Variants in IL31RA observed in about 807,000 individuals in gnomAD.
IL31RA encodes interleukin-31 receptor subunit alpha.
IL31RA carries 66 observed loss-of-function variants against 83.7 expected under a neutral mutation model. That is an observed-to-expected ratio of 0.79 (90% confidence interval 0.65 to 0.97). The LOEUF is 0.97. IL31RA is among the 50% of genes least tolerant of loss of function. IL31RA has a pLI of 0.00. For missense variants in IL31RA, 798 were observed against 919.4 expected (o/e 0.87, Z 1.71); for synonymous variants, 325 against 329.0 (o/e 0.99, Z 0.13).
At position 55,903,865 on chromosome 5, in the gene IL31RA, T is replaced by C. The variant is rs1748971874; in HGVS notation, c.1070-2241T>C. Among the ~76,000 whole-genome samples the C allele has an allele frequency of 6.6e-6, 1 of 152,202 alleles. No homozygotes were observed. The highest frequency in any genetic ancestry group is 6.5e-5 in the Admixed American group (1 of 15,288). On this transcript the variant is annotated intron_variant, in intron 8 of 14. Transcript: ENST00000652347. This position sits in a 1 kb window ranked among gnomAD's most constrained non-coding sequence, Gnocchi z 4.7. ...GGGGCTTCAAACAACAGAACTTTATTGTCTCATGGTCCTGGAGGCCAGAAG... is the reference window on the plus strand; with the variant it reads ...GGGGCTTCAAACAACAGAACTTTATCGTCTCATGGTCCTGGAGGCCAGAAG...
At chr5:55,840,072 C>T in the IL31RA span, 2 of 357,806 alleles carry the variant, frequency 5.6e-6, no homozygotes, top group East Asian at 5.7e-5. Flanking sequence ...CACCTGACTT[C>T]GGCAGGGCTA....
In IL31RA at chr5:55,867,157, T is replaced by TTGTGTGTGCATG. The variant is rs1746142833; in HGVS notation, c.155-1626_155-1625insCATGTGTGTGTG. ...TGTGCATGTGTGTGTGCATGTGTGT[T>TTGTGTGTGCATG]TGTGTGTGTGCATGTGTGTGTGCAT... On this transcript the variant is annotated intron_variant, in intron 2 of 14. Coordinates refer to ENST00000652347, the MANE Select transcript of IL31RA (RefSeq NM_139017.7). Among the ~76,000 whole-genome samples the TTGTGTGTGCATG allele has an allele frequency of 1.1e-4, 6 of 55,064 alleles. 1 individual carries two copies. Among genetic ancestry groups the TTGTGTGTGCATG allele is most frequent in the African/African-American group, 3.6e-4 (6 of 16,596 alleles). 36.1% of individuals were successfully genotyped at this position (55,064 alleles called of 152,430 possible).
intron 2 of IL31RA, among the ~76,000 whole-genome samples, chr5:55,861,935 T>C (rs1028974122): frequency 6.6e-6 from 1 of 152,192 alleles, no homozygotes; most frequent in Non-Finnish European, 1.5e-5. Flanking sequence ...CAAAGTGATA[T>C]GAGTATAGAG....
chr5:55,887,276 T>C (rs1747674172), intron 5 of IL31RA, among the ~76,000 whole-genome samples: 1 of 152,224 alleles, frequency 6.6e-6, no homozygotes, highest in Non-Finnish European at 1.5e-5. Context: ...TCACAGGGCT[T>C]GTCAGTTGCA....
intron 5 of IL31RA, among the ~76,000 whole-genome samples, chr5:55,885,313 C>T (rs959713862): frequency 7.9e-5 from 12 of 152,074 alleles, no homozygotes; most frequent in African/African-American, 2.4e-4. Context: ...CAGCTAAATC[C>T]GGGTTCTTGT....
At chr5:55,914,301 A>G (rs563087241) in intron 13 of IL31RA, among the ~76,000 whole-genome samples, 21 of 152,308 alleles carry the variant, frequency 1.4e-4, no homozygotes, top group Non-Finnish European at 4.4e-5. Context: ...ATTCTTGTAC[A>G]TTATGCACTT....
At chr5:55,896,764 C>T (rs1748396587) in intron 7 of IL31RA, among the ~76,000 whole-genome samples, 1 of 57,284 alleles carries the variant, frequency 1.7e-5, no homozygotes, top group African/African-American at 7.4e-5. Context: ...CCTTGCCTTC[C>T]CTTCCCTTCC....
intron 11 of IL31RA, among the ~76,000 whole-genome samples, chr5:55,909,622 G>T (rs1024142141): frequency 6.6e-6 from 1 of 151,788 alleles, no homozygotes; most frequent in Non-Finnish European, 1.5e-5. Context: ...TGGTAGGTAT[G>T]TAGTGGTTAT....
In IL31RA at chr5:55,922,652, G is replaced by T; in HGVS notation, c.*5532G>T. On this transcript the variant is annotated 3_prime_UTR_variant, in exon 15 of 15. Transcript: ENST00000652347. ...AAGTAGAGTGTGAAAACATGGTTAT[G>T]GTAATAGGAACAGCTTTTAAAATGC... 2 of 513,866 alleles carry T rather than the reference G, an allele frequency of 3.9e-6. No homozygotes were observed. Among genetic ancestry groups the T allele is most frequent in the East Asian group, 3.1e-5 (1 of 32,752 alleles). The allele number at this position is 513,866 out of a possible 1,614,324, so 31.8% of individuals were successfully genotyped here.
chr5:55,879,429 T>TTTTTTTTTTTTTTTTG, intron 4 of IL31RA, among the ~76,000 whole-genome samples: 1 of 110,702 alleles, frequency 9.0e-6, no homozygotes, highest in Non-Finnish European at 1.8e-5. Context: ...TCTGTCCTTT[T>TTTTTTTTTTTTTTTTG]TTTTTTTTTT....
chr5:55,878,214 T>A (rs1746976378), intron 4 of IL31RA, among the ~76,000 whole-genome samples: 1 of 152,224 alleles, frequency 6.6e-6, no homozygotes, highest in Admixed American at 6.5e-5. Context: ...TTTGTTGATA[T>A]TCTCATTTTG....
chr5:55,887,803 T>C (rs1747723860), intron 5 of IL31RA, among the ~76,000 whole-genome samples: 1 of 151,828 alleles, frequency 6.6e-6, no homozygotes, highest in Admixed American at 6.6e-5. Context: ...GAGAATGGCA[T>C]GAACCCAGGA....
intron 4 of IL31RA, among the ~76,000 whole-genome samples, chr5:55,878,553 A>T (rs534039966): frequency 2.0e-5 from 3 of 152,360 alleles, no homozygotes; most frequent in African/African-American, 7.2e-5. Flanking sequence ...GGATCAGCCC[A>T]AGGTGAAAAC....
intron 12 of IL31RA, among the ~76,000 whole-genome samples, chr5:55,911,513 CATATG>C (rs2112578208): frequency 6.6e-6 from 1 of 152,154 alleles, no homozygotes; most frequent in Admixed American, 6.5e-5. Context: ...AGCAAAAAGA[CATATG>C]ATATATTTAA....
intron 3 of IL31RA, among the ~76,000 whole-genome samples, chr5:55,869,470 G>A (rs1746379758): frequency 6.6e-6 from 1 of 151,852 alleles, no homozygotes; most frequent in South Asian, 2.1e-4. Context: ...AATATTTGCA[G>A]GTTAAAAAAA....
At chr5:55,908,792 A>C (rs1580740473) in intron 11 of IL31RA, 1 of 1,401,478 alleles carries the variant, frequency 7.1e-7, no homozygotes, top group Non-Finnish European at 9.2e-7. Flanking sequence ...CTGCCAAATC[A>C]TGCTTTTGTT....
chr5:55,905,320 C>G (rs1749080965), intron 8 of IL31RA, among the ~76,000 whole-genome samples: 1 of 152,052 alleles, frequency 6.6e-6, no homozygotes. Flanking sequence ...GGAGAGCATG[C>G]CCTGGAATTT....
chr5:55,879,259 C>T (rs1250240090), intron 4 of IL31RA, among the ~76,000 whole-genome samples: 2 of 151,894 alleles, frequency 1.3e-5, no homozygotes, highest in African/African-American at 2.4e-5. Flanking sequence ...AAACCAAGAC[C>T]ACTGATGTTT....
Position 55,921,150 on chromosome 5 carries a change from C to T in IL31RA, c.*4030C>T, listed in dbSNP as rs1750071114. ...GGTGAGACTCCCCTCTAGGTGTCCC[C>T]TCTTTTTTCTAATTTAAAATTTGTT... On this transcript the variant is annotated 3_prime_UTR_variant, in exon 15 of 15. Coordinates refer to ENST00000652347, the MANE Select transcript of IL31RA (RefSeq NM_139017.7). Among the ~76,000 whole-genome samples, 1 of 152,160 alleles carries T rather than the reference C, an allele frequency of 6.6e-6. No individual in the cohort carries two copies. The highest frequency in any genetic ancestry group is 2.1e-4 in the South Asian group (1 of 4,826).
Sources: allele counts gnomAD v4.1 joint callset (sites outside exome capture counted in the v4.1 genomes callset), GRCh38; gene constraint gnomAD v4.1.1; non-coding constraint Gnocchi (gnomAD v3.1); transcripts MANE v1.5; gene names NCBI Gene and HGNC (gene_info 2026-07-23, HGNC 2026-07-21).